Variants in MAML1 observed in about 807,000 individuals in gnomAD.
MAML1 encodes the protein mastermind-like protein 1.
MAML1 carries 14 observed loss-of-function variants against 77.1 expected under a neutral mutation model. The ratio of observed to expected loss-of-function variants is 0.18; its 90% CI spans 0.12 to 0.28. The LOEUF (loss-of-function observed/expected upper bound fraction) is 0.28, where lower values mean the gene tolerates loss of function less well. Ranked by LOEUF, MAML1 falls within the 10% of genes least tolerant of loss-of-function variation. MAML1 has a pLI of 1.00. For synonymous variants in MAML1, 516 were observed against 551.9 expected (o/e 0.93, Z 0.91); for missense variants, 1,217 against 1,327.8 (o/e 0.92, Z 1.30).
intron 1 of MAML1, among the ~76,000 whole-genome samples, chr5:179,736,919 C>G (rs1353612087): frequency 1.3e-5 from 2 of 150,162 alleles, no homozygotes; most frequent in Admixed American, 1.3e-4. Flanking sequence ...TGAGATCGTA[C>G]CACTGCACTC....
At position 179,775,756 on chromosome 5, in the gene MAML1, C is replaced by G; in HGVS notation, c.*879C>G. ...ACATGTATGTTGCCCATGGTGGGAGCGTGGTCACTGTGCAGTTGTGCACAG... is the reference window on the plus strand; with the variant it reads ...ACATGTATGTTGCCCATGGTGGGAGGGTGGTCACTGTGCAGTTGTGCACAG... On this transcript the variant is annotated 3_prime_UTR_variant, in exon 5 of 5. Transcript: ENST00000292599. The G allele has an allele frequency of 1.0e-6, 1 of 985,502 alleles. No homozygotes were observed. The allele number at this position is 985,502 out of a possible 1,614,324, so 61.0% of individuals were successfully genotyped here.
intron 1 of MAML1, among the ~76,000 whole-genome samples, chr5:179,752,280 CGCACCACT>C (rs1452789488): frequency 7.6e-6 from 1 of 131,758 alleles, no homozygotes; most frequent in African/African-American, 2.9e-5. Flanking sequence ...GAGCCGAGAT[CGCACCACT>C]GCACTCCAGC....
intron 1 of MAML1, among the ~76,000 whole-genome samples, chr5:179,748,169 A>G (rs985329654): frequency 1.3e-5 from 2 of 151,998 alleles, no homozygotes; most frequent in African/African-American, 4.8e-5. Context: ...TGCAGCCTCT[A>G]CCTCCTGGAT....
chr5:179,753,805 T>G (rs774731263), intron 1 of MAML1, among the ~76,000 whole-genome samples: 7 of 151,808 alleles, frequency 4.6e-5, no homozygotes, highest in Non-Finnish European at 7.4e-5. Flanking sequence ...AGTAGCTAGC[T>G]GGGACTACAG....
intron 1 of MAML1, among the ~76,000 whole-genome samples, chr5:179,745,959 G>A (rs1412637151): frequency 6.6e-6 from 1 of 151,322 alleles, no homozygotes; most frequent in Non-Finnish European, 1.5e-5. Context: ...ACTTGAACTG[G>A]GGAGGCGGAG....
intron 1 of MAML1, among the ~76,000 whole-genome samples, chr5:179,761,000 A>G (rs908761894): frequency 3.9e-5 from 6 of 152,048 alleles, no homozygotes; most frequent in Non-Finnish European, 8.8e-5. Flanking sequence ...AGGCTGAGGC[A>G]GGAGAATGGC....
At chr5:179,749,683 C>T (rs1197534316) in intron 1 of MAML1, among the ~76,000 whole-genome samples, 2 of 152,180 alleles carry the variant, frequency 1.3e-5, no homozygotes, top group Non-Finnish European at 2.9e-5. Context: ...AACAGGAGCC[C>T]AACACAGTAG....
intron 1 of MAML1, among the ~76,000 whole-genome samples, chr5:179,749,187 G>A (rs925568635): frequency 1.3e-5 from 2 of 152,082 alleles, no homozygotes; most frequent in Non-Finnish European, 2.9e-5. Context: ...GGGTGCAATG[G>A]CGCGATCTCT....
At position 179,775,575 on chromosome 5, in the gene MAML1, T is replaced by C; in HGVS notation, c.*698T>C. On this transcript the variant is annotated 3_prime_UTR_variant, in exon 5 of 5. Coordinates refer to ENST00000292599, the MANE Select transcript of MAML1 (RefSeq NM_014757.5). ...CAGGTCTGGTGACACAGCTAGGGTC[T>C]TCCTAGCAGCTCCTCCTCCTCCCTC... 1.0e-6 allele frequency: 1 copy of C among 985,356 alleles called. No individual in the cohort carries two copies. Among genetic ancestry groups the C allele is most frequent in the Non-Finnish European group, 1.2e-6 (1 of 829,882 alleles). 61.0% of individuals were successfully genotyped at this position (985,356 alleles called of 1,614,324 possible).
chr5:179,752,346 A>ATATATATATATATATAT (rs1472280681), intron 1 of MAML1, among the ~76,000 whole-genome samples: 2 of 90,726 alleles, frequency 2.2e-5, no homozygotes, highest in Admixed American at 1.5e-4. Context: ...AAAAAAAAAA[A>ATATATATATATATATAT]AAAAATATAT....
At chr5:179,747,087 T>C (rs1454571755) in intron 1 of MAML1, among the ~76,000 whole-genome samples, 1 of 152,226 alleles carries the variant, frequency 6.6e-6, no homozygotes, top group East Asian at 1.9e-4. Context: ...CATGGTGCAC[T>C]ACAGCCTTCA....
intron 1 of MAML1, among the ~76,000 whole-genome samples, chr5:179,734,564 A>T (rs1779129612): frequency 6.6e-6 from 1 of 152,146 alleles, no homozygotes; most frequent in South Asian, 2.1e-4. Flanking sequence ...TGCTTATTGT[A>T]TCAACTGGTC....
In MAML1 at chr5:179,775,462, A is replaced by G; in HGVS notation, c.*585A>G. 1.0e-6 allele frequency: 1 copy of G among 985,368 alleles called. No homozygotes were observed. The highest frequency in any genetic ancestry group is 1.2e-6 in the Non-Finnish European group (1 of 829,924). 61.0% of individuals were successfully genotyped at this position (985,368 alleles called of 1,614,324 possible). ...TTGTTTCTGCTCTTTGTCAGCTTTC[A>G]GGGGAGAAGGAGGCCACTGGAAAAT... On this transcript the variant is annotated 3_prime_UTR_variant, in exon 5 of 5. Transcript: ENST00000292599.
At chr5:179,741,265 T>C (rs1467948779) in intron 1 of MAML1, among the ~76,000 whole-genome samples, 2 of 152,212 alleles carry the variant, frequency 1.3e-5, no homozygotes, top group African/African-American at 4.8e-5. Flanking sequence ...ATGGTGAACC[T>C]GTATCGCGGA....
chr5:179,759,596 A>G (rs1282015740), intron 1 of MAML1, among the ~76,000 whole-genome samples: 1 of 152,178 alleles, frequency 6.6e-6, no homozygotes, highest in Admixed American at 6.5e-5. Context: ...TGTTTCATGA[A>G]ATGGACCTAC....
Position 179,774,645 on chromosome 5 carries a change from C to A in MAML1, c.2819C>A (p.Ala940Asp). The A allele has an allele frequency of 6.2e-7, 1 of 1,610,900 alleles. No homozygotes were observed. Among genetic ancestry groups the A allele is most frequent in the South Asian group, 1.1e-5 (1 of 90,978 alleles). ...AGCCCAGCAGGGCCTGAGCTGGGGG[C>A]CTTCAGCCAGAGCCCTGCCTCACAG... ...GLSPAGPELG[A>D]FSQSPASQMG... The change falls in exon 5 of 5, where the codon GCC becomes GAC. Residue 940 changes from alanine to aspartate, a missense_variant. Coordinates refer to ENST00000292599, the MANE Select transcript of MAML1 (RefSeq NM_014757.5).
chr5:179,774,356 A>G lies in MAML1; in HGVS notation c.2530A>G (p.Met844Val). The G allele has an allele frequency of 1.2e-6, 2 of 1,613,284 alleles. No individual in the cohort carries two copies. Among genetic ancestry groups the G allele is most frequent in the Non-Finnish European group, 8.5e-7 (1 of 1,180,020 alleles). The part of the protein sequence containing the change: ...GQNSSWQHQG[M>V]PNLSGQTPGN... ...GAATTCCTCCTGGCAGCATCAGGGA[A>G]TGCCGAACCTCAGTGGCCAGACCCC... is the stretch of plus-strand genomic sequence containing the variant. The change falls in exon 5 of 5, where the codon ATG becomes GTG. Residue 844 changes from methionine to valine, a missense_variant. Physicochemically the swap from Met to Val is conservative, Grantham distance 21. Coordinates refer to ENST00000292599, the MANE Select transcript of MAML1 (RefSeq NM_014757.5).
At chr5:179,741,123 G>A (rs1779276457) in intron 1 of MAML1, among the ~76,000 whole-genome samples, 1 of 152,066 alleles carries the variant, frequency 6.6e-6, no homozygotes, top group African/African-American at 2.4e-5. Context: ...TTCCTTCTAA[G>A]TATTTTCCCT....
chr5:179,762,950 C>T (rs540724040), intron 1 of MAML1, among the ~76,000 whole-genome samples: 9 of 152,350 alleles, frequency 5.9e-5, no homozygotes, highest in African/African-American at 2.2e-4. Flanking sequence ...TGGAACTTGT[C>T]TGCAGCTGTT....
Sources: allele counts gnomAD v4.1 joint callset (sites outside exome capture counted in the v4.1 genomes callset), GRCh38; gene constraint gnomAD v4.1.1; transcripts MANE v1.5; gene names NCBI Gene and HGNC (gene_info 2026-07-23, HGNC 2026-07-21).